Variants in HAO1 observed in about 807,000 individuals in gnomAD.
The protein encoded by HAO1 is 2-Hydroxyacid oxidase 1.
Under a neutral mutation model 39.7 loss-of-function variants are expected in HAO1, and 34 were observed. The observed-to-expected ratio is 0.86, with a 90% CI of 0.65 to 1.14. HAO1 has a LOEUF of 1.14. HAO1 is among the 50% of genes most tolerant of loss of function. The pLI, the probability that HAO1 is intolerant of heterozygous loss-of-function variation, is 0.00. For missense variants in HAO1, 479 were observed against 464.5 expected (o/e 1.03, Z -0.29); for synonymous variants, 172 against 173.2 (o/e 0.99, Z 0.05).
At chr20:7,939,252 G>T (rs1199419618) in intron 1 of HAO1, among the ~76,000 whole-genome samples, 1 of 152,164 alleles carries the variant, frequency 6.6e-6, no homozygotes, top group Non-Finnish European at 1.5e-5. Context: ...GGCTTGAAAG[G>T]GTTGGGGAGA....
At chr20:7,910,239 A>T (rs1270472171) in intron 3 of HAO1, among the ~76,000 whole-genome samples, 3 of 152,214 alleles carry the variant, frequency 2.0e-5, no homozygotes, top group Non-Finnish European at 4.4e-5. Context: ...GCCAAGAAAA[A>T]AGTAGAGCAG....
At chr20:7,893,225 A>G (rs890543651) in intron 5 of HAO1, among the ~76,000 whole-genome samples, 2 of 152,200 alleles carry the variant, frequency 1.3e-5, no homozygotes, top group Non-Finnish European at 2.9e-5. Context: ...AAAATATGTC[A>G]GTGAAAGAGA....
chr20:7,889,000 A>G lies in HAO1; in HGVS notation c.814-3136T>C, dbSNP rs149433145. 1.0e-2 allele frequency among the ~76,000 whole-genome samples: 1,520 copies of G among 152,276 alleles called. 14 individuals carry two copies. The highest frequency in any genetic ancestry group is 0.048 in the Middle Eastern group (14 of 294). ...AGGCCTAGTAGCTGGCCACAGACAC[A>G]TGTGAATGAGTCCAGCCAAGACCAG... On this transcript the variant is annotated intron_variant, in intron 5 of 7. Coordinates refer to ENST00000378789, the MANE Select transcript of HAO1 (RefSeq NM_017545.3).
At chr20:7,899,095 A>G (rs578194162) in intron 4 of HAO1, among the ~76,000 whole-genome samples, 28 of 152,260 alleles carry the variant, frequency 1.8e-4, no homozygotes, top group African/African-American at 5.5e-4. Flanking sequence ...AATATTATCA[A>G]TAAACAGATC....
intron 5 of HAO1, among the ~76,000 whole-genome samples, chr20:7,887,841 C>T (rs1296221119): frequency 6.6e-6 from 1 of 152,160 alleles, no homozygotes; most frequent in Admixed American, 6.5e-5. Context: ...ATTTGTGTTT[C>T]GTGTGTCTGT....
intron 1 of HAO1, among the ~76,000 whole-genome samples, chr20:7,936,548 T>TGTGTGTTCG (rs1555775557): frequency 7.9e-5 from 4 of 50,756 alleles, no homozygotes; most frequent in Non-Finnish European, 1.4e-4. Context: ...GTGTGTGTGT[T>TGTGTGTTCG]CGCGCGCGCG....
chr20:7,927,778 A>T (rs938809249), intron 2 of HAO1, among the ~76,000 whole-genome samples: 1 of 152,242 alleles, frequency 6.6e-6, no homozygotes, highest in Non-Finnish European at 1.5e-5. Context: ...AGATGATAGC[A>T]TAGTGCTTGC....
intron 4 of HAO1, among the ~76,000 whole-genome samples, chr20:7,899,795 G>A (rs2050213501): frequency 6.6e-6 from 1 of 152,130 alleles, no homozygotes; most frequent in Admixed American, 6.5e-5. Flanking sequence ...TTCCCACTTA[G>A]CAAAATGTTC....
At chr20:7,886,193 A>T (rs1470849641) in intron 5 of HAO1, among the ~76,000 whole-genome samples, 1 of 149,806 alleles carries the variant, frequency 6.7e-6, no homozygotes, top group Non-Finnish European at 1.5e-5. Flanking sequence ...TTTTTTTTTG[A>T]GAGAGGGTCT....
chr20:7,900,769 A>G (rs1392124627), intron 4 of HAO1, among the ~76,000 whole-genome samples: 2 of 152,082 alleles, frequency 1.3e-5, no homozygotes, highest in African/African-American at 4.8e-5. Flanking sequence ...AGAGTCACAT[A>G]CCTCTCACTT....
chr20:7,921,935 T>C (rs2050335017), intron 2 of HAO1, among the ~76,000 whole-genome samples: 1 of 151,856 alleles, frequency 6.6e-6, no homozygotes, highest in African/African-American at 2.4e-5. Context: ...ATGGTAACAA[T>C]AGATGCTGGG....
chr20:7,897,760 G>T (rs372114486), intron 4 of HAO1, among the ~76,000 whole-genome samples: 2 of 151,872 alleles, frequency 1.3e-5, no homozygotes, highest in East Asian at 3.9e-4. Flanking sequence ...TTTTTCCTGG[G>T]ATAAGCTTTT....
intron 1 of HAO1, among the ~76,000 whole-genome samples, chr20:7,938,646 C>T (rs533255692): frequency 2.6e-5 from 4 of 152,196 alleles, no homozygotes; most frequent in South Asian, 2.1e-4. Flanking sequence ...TGCTTTGGGG[C>T]GCCCCTTTGC....
intron 2 of HAO1, among the ~76,000 whole-genome samples, chr20:7,922,890 T>C (rs947369195): frequency 1.3e-5 from 2 of 152,138 alleles, no homozygotes; most frequent in Admixed American, 6.6e-5. Context: ...CTATCATCCA[T>C]TCCCCCCACT....
At chr20:7,905,487 G>T (rs995025829) in intron 4 of HAO1, among the ~76,000 whole-genome samples, 1 of 152,094 alleles carries the variant, frequency 6.6e-6, no homozygotes, top group African/African-American at 2.4e-5. Flanking sequence ...ATAACCAAAG[G>T]TTATATACCA....
At chr20:7,903,484 T>C (rs922415414) in intron 4 of HAO1, among the ~76,000 whole-genome samples, 1 of 151,838 alleles carries the variant, frequency 6.6e-6, no homozygotes, top group Admixed American at 6.6e-5. Flanking sequence ...ATGGTGGTCA[T>C]GGTGGTGATA....
Position 7,885,608 on chromosome 20 carries a change from T to C in HAO1, c.973-18A>G. The C allele has an allele frequency of 6.3e-7, 1 of 1,587,932 alleles. No individual in the cohort carries two copies. The highest frequency in any genetic ancestry group is 1.1e-5 in the South Asian group (1 of 90,276). On this transcript the variant is annotated intron_variant, in intron 6 of 7. Transcript: ENST00000378789. ...TTCTCCCCCTAACCAAGTGAAAAGA[T>C]ACAGAGTGATTCAGAACTAAATCAG...
At chr20:7,939,239 C>T (rs2050428948) in intron 1 of HAO1, among the ~76,000 whole-genome samples, 1 of 152,184 alleles carries the variant, frequency 6.6e-6, no homozygotes, top group Non-Finnish European at 1.5e-5. Context: ...GAGACAAAGT[C>T]AAGGCTTGAA....
At chr20:7,921,922 A>C (rs2122785628) in intron 2 of HAO1, among the ~76,000 whole-genome samples, 1 of 152,244 alleles carries the variant, frequency 6.6e-6, no homozygotes, top group East Asian at 1.9e-4. Context: ...CATGGTCAAA[A>C]AAATGGTAAC....
Sources: allele counts gnomAD v4.1 joint callset (sites outside exome capture counted in the v4.1 genomes callset), GRCh38; gene constraint gnomAD v4.1.1; transcripts MANE v1.5; gene names NCBI Gene and HGNC (gene_info 2026-07-23, HGNC 2026-07-21).